DOCK1: variants seen among roughly 807,000 people sequenced by gnomAD.
DOCK1 encodes the protein dedicator of cytokinesis 1, also known as dedicator of cytokinesis protein 1.
Under a neutral mutation model 262.7 loss-of-function variants are expected in DOCK1, and 138 were observed. The observed-to-expected ratio is 0.53, with a 90% CI of 0.46 to 0.61. The LOEUF is 0.61. Ranked by LOEUF, DOCK1 falls within the 20% of genes least tolerant of loss-of-function variation. The pLI, the probability that DOCK1 is intolerant of heterozygous loss-of-function variation, is 0.00. For synonymous variants in DOCK1, 866 were observed against 867.4 expected, an observed-to-expected ratio of 1.00 and a Z score of 0.03; for missense variants, 1,908 against 2,370.7, an observed-to-expected ratio of 0.80 and a Z score of 4.05.
At chr10:127,414,558 C>T (rs911342797) in intron 43 of DOCK1, among the ~76,000 whole-genome samples, 3 of 152,106 alleles carry the variant, frequency 2.0e-5, no homozygotes, top group African/African-American at 7.2e-5. Flanking sequence ...AAGTCTTGAA[C>T]AATAGATACT....
At chr10:127,192,049 T>C (rs2056791448) in intron 27 of DOCK1, among the ~76,000 whole-genome samples, 1 of 152,226 alleles carries the variant, frequency 6.6e-6, no homozygotes, top group Non-Finnish European at 1.5e-5. Context: ...AACAAGCATT[T>C]TGATATGGTG....
chr10:127,433,609 C>G (rs774482118), intron 48 of DOCK1, among the ~76,000 whole-genome samples, 181 bp downstream of exon 48: 9 of 151,956 alleles, frequency 5.9e-5, no homozygotes, highest in Admixed American at 1.3e-4. Flanking sequence ...ACTTTGAGGT[C>G]GTGTGAGTTG....
At chr10:127,427,679 A>G (rs2068911228) in intron 47 of DOCK1, among the ~76,000 whole-genome samples, 2 of 152,214 alleles carry the variant, frequency 1.3e-5, no homozygotes, top group African/African-American at 4.8e-5. Flanking sequence ...ATTTGGCACC[A>G]CAGAGCTTCT....
chr10:127,239,136 G>A lies in DOCK1; in HGVS notation c.2848-8872G>A, dbSNP rs113495180. Reference sequence around the variant, plus strand: ...TGAGTCTCAGTCCACCACAGTAGGCGATTTTGAAAATAAGCATTAGGCATT... The same window carrying A: ...TGAGTCTCAGTCCACCACAGTAGGCAATTTTGAAAATAAGCATTAGGCATT... On this transcript the variant is annotated intron_variant, in intron 27 of 51. Coordinates refer to ENST00000623213, the MANE Select transcript of DOCK1 (RefSeq NM_001290223.2). 7.9e-5 allele frequency among the ~76,000 whole-genome samples: 12 copies of A among 152,264 alleles called. 1 individual carries two copies. Among genetic ancestry groups the A allele is most frequent in the African/African-American group, 2.6e-4 (11 of 41,550 alleles).
intron 25 of DOCK1, among the ~76,000 whole-genome samples, chr10:127,114,787 T>C (rs1268104140): frequency 1.3e-5 from 2 of 151,054 alleles, no homozygotes; most frequent in East Asian, 2.0e-4. Context: ...AGATGGAGTC[T>C]TGCTTTGTTG....
chr10:127,094,655 C>T (rs1222092815), intron 23 of DOCK1, among the ~76,000 whole-genome samples: 1 of 152,182 alleles, frequency 6.6e-6, no homozygotes, highest in Non-Finnish European at 1.5e-5. Context: ...CTCTGCTGTC[C>T]TGCACACACT....
At chr10:127,110,429 C>T in intron 25 of DOCK1, 75 bp downstream of exon 25, 1 of 1,357,366 alleles carries the variant, frequency 7.4e-7, no homozygotes, top group Admixed American at 2.0e-5. Flanking sequence ...TGAATTGCCT[C>T]TTCTTGACAA....
At chr10:126,978,361 T>G (rs2038705618) in intron 3 of DOCK1, among the ~76,000 whole-genome samples, 1 of 152,198 alleles carries the variant, frequency 6.6e-6, no homozygotes, top group East Asian at 1.9e-4. Flanking sequence ...TAATAATAGA[T>G]TAGCAAATTT....
At chr10:127,402,730 G>T (rs762417877) in intron 38 of DOCK1, 2 of 543,966 alleles carry the variant, frequency 3.7e-6, no homozygotes. Context: ...AGGCTGCTCC[G>T]ACAGACGGGC....
At chr10:126,973,826 T>G (rs951705312) in intron 2 of DOCK1, among the ~76,000 whole-genome samples, 1 of 152,222 alleles carries the variant, frequency 6.6e-6, no homozygotes, top group African/African-American at 2.4e-5. Context: ...TTCTTTTTCT[T>G]TCCTTGGCTC....
intron 27 of DOCK1, among the ~76,000 whole-genome samples, chr10:127,211,017 CTT>C (rs959515743): frequency 1.3e-5 from 2 of 152,144 alleles, no homozygotes; most frequent in African/African-American, 4.8e-5. Flanking sequence ...ATTTAGAACA[CTT>C]TATATCCACC....
At chr10:127,411,713 G>A (rs12218575) in intron 43 of DOCK1, among the ~76,000 whole-genome samples, 38,599 of 151,592 alleles carry the variant, frequency 0.25, 5,175 homozygotes, top group African/African-American at 0.33. Flanking sequence ...GGTGGTGCAC[G>A]CCTGTAATCC....
At chr10:127,443,830 TCTC>T (rs2134782661) in intron 49 of DOCK1, among the ~76,000 whole-genome samples, 1 of 152,112 alleles carries the variant, frequency 6.6e-6, no homozygotes, top group African/African-American at 2.4e-5. Context: ...GCCTAGGTAT[TCTC>T]CTCCCCTCTG....
At position 126,980,944 on chromosome 10, in the gene DOCK1, CG is replaced by C. The variant is rs1322656265; in HGVS notation, c.172-973del. ...TGCTTGCTCAGAAAGCAGGACCCTA[CG>C]TTTTTTTTTTTTTTTTTCCTGAGGC... On this transcript the variant is annotated intron_variant, in intron 3 of 51. Coordinates refer to ENST00000623213, the MANE Select transcript of DOCK1 (RefSeq NM_001290223.2). Among the ~76,000 whole-genome samples, 58 of 149,760 alleles carry C rather than the reference CG, an allele frequency of 3.9e-4. 1 individual carries two copies. Among genetic ancestry groups the C allele is most frequent in the South Asian group, 4.2e-4 (2 of 4,760 alleles).
rs183898084 is a variant in DOCK1, at chr10:127,310,985, A to C, written c.3045-28021A>C. Among the ~76,000 whole-genome samples the C allele has an allele frequency of 2.0e-5, 3 of 152,318 alleles. No individual in the cohort carries two copies. The East Asian group carries it at 5.8e-4, about 29-fold the overall frequency. Reference sequence around the variant, plus strand: ...GTTCAAGAACCCAAACTTGAACTCAACACTTTTTCAGTGTGTTTTATTTGT... The same window carrying C: ...GTTCAAGAACCCAAACTTGAACTCACCACTTTTTCAGTGTGTTTTATTTGT... On this transcript the variant is annotated intron_variant, in intron 29 of 51. Coordinates refer to ENST00000623213, the MANE Select transcript of DOCK1 (RefSeq NM_001290223.2).
At chr10:127,042,596 T>C (rs769485814) in intron 19 of DOCK1, 29 bp from the exon 20 acceptor site, 3 of 1,606,858 alleles carry the variant, frequency 1.9e-6, no homozygotes, top group East Asian at 4.5e-5. Flanking sequence ...TGGGTTCACA[T>C]TGTCACCCGA....
chr10:127,285,448 C>T (rs117016991), intron 29 of DOCK1, among the ~76,000 whole-genome samples: 139 of 152,354 alleles, frequency 9.1e-4, no homozygotes, highest in Non-Finnish European at 1.7e-3. Context: ...AAATGGCCAT[C>T]GCTGACTGTT....
At chr10:127,166,292 C>G (rs2054079185) in intron 27 of DOCK1, among the ~76,000 whole-genome samples, 1 of 152,116 alleles carries the variant, frequency 6.6e-6, no homozygotes, top group Admixed American at 6.5e-5. Flanking sequence ...GTCTCGATCT[C>G]CTGACCTCGT....
At chr10:127,119,002 T>C (rs2049362617) in intron 25 of DOCK1, among the ~76,000 whole-genome samples, 1 of 152,042 alleles carries the variant, frequency 6.6e-6, no homozygotes, top group East Asian at 1.9e-4. Context: ...CACACACGTG[T>C]ACCTGCATGG....
Sources: allele counts gnomAD v4.1 joint callset (sites outside exome capture counted in the v4.1 genomes callset), GRCh38; gene constraint gnomAD v4.1.1; transcripts MANE v1.5; gene names NCBI Gene and HGNC (gene_info 2026-07-23, HGNC 2026-07-21).